Variants in SELENOF observed in about 807,000 individuals in gnomAD.
SELENOF encodes 15 kDa selenoprotein.
In SELENOF, 16 loss-of-function variants were observed where a neutral mutation model predicts 20.5. That is an observed-to-expected ratio of 0.78 (90% confidence interval 0.53 to 1.19). The LOEUF is 1.19. Ranked by LOEUF, SELENOF falls within the 50% of genes most tolerant of loss-of-function variation. SELENOF has a pLI of 0.00. For missense variants in SELENOF, 215 were observed against 194.2 expected (o/e 1.11, Z -0.64); for synonymous variants, 78 against 74.5 (o/e 1.05, Z -0.24).
At chr1:86,887,053 A>G in intron 2 of SELENOF, 3 of 1,256,168 alleles carry the variant, frequency 2.4e-6, no homozygotes, top group Non-Finnish European at 3.1e-6. Flanking sequence ...CAGGGAAAAT[A>G]TTATCACCTA....
chr1:86,905,067 TA>T (rs1659796201), intron 1 of SELENOF, among the ~76,000 whole-genome samples: 1 of 152,202 alleles, frequency 6.6e-6, no homozygotes, highest in Non-Finnish European at 1.5e-5. Context: ...ATATTTTTCT[TA>T]AATCTATTCT....
chr1:86,874,094 C>A (rs1384758717), intron 3 of SELENOF, among the ~76,000 whole-genome samples: 1 of 150,114 alleles, frequency 6.7e-6, no homozygotes, highest in Non-Finnish European at 1.5e-5. Context: ...CTATGTGGGT[C>A]ACACAATAAA....
intron 3 of SELENOF, among the ~76,000 whole-genome samples, chr1:86,868,795 A>G (rs1180773857): frequency 6.6e-6 from 1 of 152,166 alleles, no homozygotes; most frequent in Non-Finnish European, 1.5e-5. Context: ...ATGACCCAAA[A>G]GGAAATGTTT....
At chr1:86,907,918 G>A (rs1659872310) in intron 1 of SELENOF, among the ~76,000 whole-genome samples, 1 of 151,928 alleles carries the variant, frequency 6.6e-6, no homozygotes, top group African/African-American at 2.4e-5. Context: ...CCCGGGAGGC[G>A]GAGATTGCAG....
intron 3 of SELENOF, 49 bp from the exon 4 acceptor site, chr1:86,868,151 C>T (rs1171791941): frequency 1.1e-6 from 1 of 878,558 alleles, no homozygotes; most frequent in East Asian, 2.6e-5. Context: ...CAAATCCAAG[C>T]TAGCTAAAAA....
intron 2 of SELENOF, among the ~76,000 whole-genome samples, chr1:86,887,978 C>T (rs505150): frequency 6.6e-6 from 1 of 152,052 alleles, no homozygotes; most frequent in Non-Finnish European, 1.5e-5. Flanking sequence ...TGACTCAAAG[C>T]GGCCAGGCGC....
chr1:86,911,375 T>C (rs1021505362), intron 1 of SELENOF, among the ~76,000 whole-genome samples: 3 of 152,192 alleles, frequency 2.0e-5, no homozygotes, highest in African/African-American at 7.2e-5. Flanking sequence ...GAATACAGTA[T>C]GTGAAATAAG....
chr1:86,907,919 G>C (rs1659872387), intron 1 of SELENOF, among the ~76,000 whole-genome samples: 1 of 151,524 alleles, frequency 6.6e-6, no homozygotes, highest in Non-Finnish European at 1.5e-5. Context: ...CCGGGAGGCG[G>C]AGATTGCAGT....
intron 3 of SELENOF, among the ~76,000 whole-genome samples, chr1:86,869,611 G>A (rs911614558): frequency 4.6e-5 from 7 of 152,104 alleles, no homozygotes; most frequent in South Asian, 2.1e-4. Flanking sequence ...ATATTTTCCC[G>A]TTTTGGTTGT....
At chr1:86,884,885 G>A (rs945882260) in intron 2 of SELENOF, among the ~76,000 whole-genome samples, 2 of 152,088 alleles carry the variant, frequency 1.3e-5, no homozygotes, top group African/African-American at 4.8e-5. Flanking sequence ...ATATGAGAAC[G>A]ATACACAAAC....
upstream of SELENOF, chr1:86,914,506 AG>A: frequency 4.1e-6 from 1 of 246,044 alleles, no homozygotes; most frequent in South Asian, 4.7e-5. Flanking sequence ...AGCGAAGCGC[AG>A]GGGCTCTTCC....
At chr1:86,909,889 T>C (rs13374020) in intron 1 of SELENOF, among the ~76,000 whole-genome samples, 1 of 152,072 alleles carries the variant, frequency 6.6e-6, no homozygotes, top group African/African-American at 2.4e-5. Context: ...CCTGTAATCA[T>C]AGCTACTCGG....
intron 1 of SELENOF, among the ~76,000 whole-genome samples, chr1:86,907,044 G>A (rs189590728): frequency 6.6e-6 from 1 of 152,274 alleles, no homozygotes. Flanking sequence ...CATTTATGGA[G>A]CACCTACTGA....
At chr1:86,875,125 C>T (rs1259180345) in intron 3 of SELENOF, among the ~76,000 whole-genome samples, 1 of 151,982 alleles carries the variant, frequency 6.6e-6, no homozygotes, top group African/African-American at 2.4e-5. Context: ...CCTGTAATCC[C>T]AGCTACTTGG....
intron 3 of SELENOF, among the ~76,000 whole-genome samples, chr1:86,872,542 T>G (rs1191904624): frequency 6.6e-6 from 1 of 151,854 alleles, no homozygotes; most frequent in Non-Finnish European, 1.5e-5. Flanking sequence ...CTAATGTTTT[T>G]TTTTTTTTTT....
intron 2 of SELENOF, among the ~76,000 whole-genome samples, chr1:86,882,247 CAAAAA>C (rs61037512): frequency 6.5e-5 from 4 of 61,860 alleles, no homozygotes; most frequent in African/African-American, 1.9e-4. Flanking sequence ...GACTCTGTCT[CAAAAA>C]AAAAAAAAAA....
chr1:86,914,490 AC>A (rs1408080685), upstream of SELENOF: 13 of 268,540 alleles, frequency 4.8e-5, no homozygotes, highest in Non-Finnish European at 9.5e-5. Flanking sequence ...CGTAAACCGA[AC>A]CAAGAGCGAA....
At position 86,903,386 on chromosome 1, in the gene SELENOF, G is replaced by C. The variant is rs375058279; in HGVS notation, c.147C>G (p.Asn49Lys). The C allele has an allele frequency of 6.2e-7, 1 of 1,611,934 alleles. No individual in the cohort carries two copies. The highest frequency in any genetic ancestry group is 8.5e-7 in the Non-Finnish European group (1 of 1,179,002). ...GAAGATCACAAGAGCTGCAAAGCAA[G>C]TTGCTAGAAAAGCCTAACTCTCTGC... is the stretch of plus-strand genomic sequence containing the variant. ...EACRELGFSS[N>K]LLCSSCDLLG... Residue 49 changes from asparagine to lysine, a missense_variant, in exon 2 of 5, where the codon AAC becomes AAG. Asn to Lys is a moderately conservative substitution (Grantham distance 94). Transcript: ENST00000331835.
intron 2 of SELENOF, among the ~76,000 whole-genome samples, chr1:86,897,268 C>G (rs1223871446): frequency 6.6e-6 from 1 of 152,076 alleles, no homozygotes; most frequent in Non-Finnish European, 1.5e-5. Flanking sequence ...GCCTGGGCAA[C>G]AAGAGTGAAA....
Sources: gnomAD v4.1 joint callset for allele counts (sites outside exome capture counted in the v4.1 genomes callset) on GRCh38, gnomAD v4.1.1 for gene constraint, MANE v1.5 for transcripts, NCBI Gene and HGNC (gene_info 2026-07-23, HGNC 2026-07-21) for gene names.